The following CERT1 variants were observed in gnomAD, a reference collection of about 807,000 sequenced individuals.
The protein encoded by CERT1 is ceramide transfer protein.
In CERT1, 31 loss-of-function variants were observed where a neutral mutation model predicts 87.9. That is an observed-to-expected ratio of 0.35 (90% CI 0.27 to 0.48). The LOEUF is 0.48. CERT1 is among the 20% of genes least tolerant of loss of function. CERT1 has a pLI of 0.99. For missense variants in CERT1, 487 were observed against 758.0 expected (o/e 0.64, Z 4.20); for synonymous variants, 289 against 250.9 (o/e 1.15, Z -1.44).
At chr5:75,488,286 G>C (rs1275669468) in intron 2 of CERT1, among the ~76,000 whole-genome samples, 2 of 151,912 alleles carry the variant, frequency 1.3e-5, no homozygotes, top group Non-Finnish European at 1.5e-5. Context: ...CTGTATGCCT[G>C]TATCAAAATA....
At chr5:75,459,005 G>A in intron 3 of CERT1, 60 bp downstream of exon 3, 1 of 873,256 alleles carries the variant, frequency 1.1e-6, no homozygotes, top group South Asian at 1.6e-5. Context: ...TTTTTTTTAA[G>A]GTATTGTCAA....
intron 14 of CERT1, among the ~76,000 whole-genome samples, chr5:75,383,089 T>A (rs1761651753): frequency 6.6e-6 from 1 of 152,100 alleles, no homozygotes; most frequent in Non-Finnish European, 1.5e-5. Context: ...AACATTATTA[T>A]GGAATGGGAG....
intron 17 of CERT1, chr5:75,368,917 C>CTT (rs34199671): frequency 1.4e-5 from 2 of 146,414 alleles, no homozygotes; most frequent in Middle Eastern, 3.5e-3. Flanking sequence ...AAGTTGAAAA[C>CTT]TTTTTTTTTT....
chr5:75,371,405 A>T (rs1417493932), intron 17 of CERT1: 1 of 152,216 alleles, frequency 6.6e-6, no homozygotes, highest in African/African-American at 2.4e-5. Flanking sequence ...TCACAAGAGA[A>T]CCAGCTCAGC....
chr5:75,457,483 T>C (rs1765032848), intron 3 of CERT1, among the ~76,000 whole-genome samples: 1 of 152,074 alleles, frequency 6.6e-6, no homozygotes, highest in African/African-American at 2.4e-5. Context: ...TTTTAAATAA[T>C]AGAAAAACAA....
intron 1 of CERT1, among the ~76,000 whole-genome samples, chr5:75,507,042 C>T (rs551891622): frequency 2.6e-5 from 4 of 152,288 alleles, no homozygotes; most frequent in African/African-American, 9.6e-5. Context: ...ACTGCATTGG[C>T]TCAGGCTCTA....
chr5:75,412,713 GA>G (rs1360066117), intron 7 of CERT1, among the ~76,000 whole-genome samples: 3 of 152,152 alleles, frequency 2.0e-5, no homozygotes, highest in Non-Finnish European at 4.4e-5. Flanking sequence ...AAAGGGACAG[GA>G]AAAATATGAT....
chr5:75,466,882 A>G (rs545425178), intron 2 of CERT1, among the ~76,000 whole-genome samples: 2 of 152,268 alleles, frequency 1.3e-5, no homozygotes, highest in African/African-American at 4.8e-5. Context: ...TTCTCCCACA[A>G]CTGTTTGAAC....
At chr5:75,459,217 A>T (rs761554262) in intron 2 of CERT1, 36 bp from the exon 3 acceptor site, 2 of 1,303,824 alleles carry the variant, frequency 1.5e-6, no homozygotes, top group African/African-American at 2.9e-5. Flanking sequence ...AAGCAAAGCT[A>T]ATTATATCCT....
chr5:75,380,044 G>T (rs1245747548), intron 16 of CERT1, among the ~76,000 whole-genome samples: 1 of 152,106 alleles, frequency 6.6e-6, no homozygotes, highest in Non-Finnish European at 1.5e-5. Flanking sequence ...GGTTATTTAG[G>T]GCAGATTATT....
chr5:75,489,968 T>G (rs1766701767), intron 2 of CERT1, among the ~76,000 whole-genome samples: 1 of 152,134 alleles, frequency 6.6e-6, no homozygotes, highest in Non-Finnish European at 1.5e-5. Context: ...AATGTTAGAC[T>G]GGATAAAGAA....
Position 75,511,483 on chromosome 5 carries a change from C to T in CERT1, c.-276G>A, listed in dbSNP as rs1767999142. 6.7e-7 allele frequency: 1 copy of T among 1,502,356 alleles called. No homozygotes were observed. The highest frequency in any genetic ancestry group is 1.4e-5 in the African/African-American group (1 of 71,740). The allele number at this position is 1,502,356 out of a possible 1,614,324, so 93.1% of individuals were successfully genotyped here. ...GCCGTGACCCCTGCGTTGCGCCCGG[C>T]GCTGCCACCCGAACTTAGCCCCCTC... On this transcript the variant is annotated 5_prime_UTR_variant, in exon 1 of 17. Coordinates refer to ENST00000643780, the MANE Select transcript of CERT1 (RefSeq NM_001379029.1).
At chr5:75,477,987 TA>T (rs576865682) in intron 2 of CERT1, among the ~76,000 whole-genome samples, 58 of 151,990 alleles carry the variant, frequency 3.8e-4, no homozygotes, top group African/African-American at 8.9e-4. Flanking sequence ...ACTTAAAAGA[TA>T]AAAAAAGGCA....
chr5:75,379,329 T>C lies in CERT1; in HGVS notation c.*17A>G, dbSNP rs1761459009. ...AGTTAAAAAAAGATAAAACATATCT[T>C]CTAGTACCTGTTAATACTAGAACAA... On this transcript the variant is annotated 3_prime_UTR_variant, in exon 17 of 17. Coordinates refer to ENST00000643780, the MANE Select transcript of CERT1 (RefSeq NM_001379029.1). 6.2e-7 allele frequency: 1 copy of C among 1,601,744 alleles called. No individual in the cohort carries two copies. The highest frequency in any genetic ancestry group is 8.5e-7 in the Non-Finnish European group (1 of 1,171,820).
At chr5:75,390,967 CA>C (rs1158890341) in intron 11 of CERT1, among the ~76,000 whole-genome samples, 2 of 151,248 alleles carry the variant, frequency 1.3e-5, no homozygotes, top group African/African-American at 4.9e-5. Context: ...CCATGCCTAA[CA>C]TTTTTTTTTT....
chr5:75,387,047 T>G (rs1204775673), intron 12 of CERT1, among the ~76,000 whole-genome samples: 1 of 152,102 alleles, frequency 6.6e-6, no homozygotes, highest in Non-Finnish European at 1.5e-5. Flanking sequence ...TTTGGTATTT[T>G]TAGTAGAGAC....
chr5:75,400,433 C>A, intron 9 of CERT1, 136 bp from the exon 10 acceptor site: 1 of 587,292 alleles, frequency 1.7e-6, no homozygotes, highest in Non-Finnish European at 3.0e-6. Flanking sequence ...AATTATGAAA[C>A]TACTCCGCAG....
At position 75,411,114 on chromosome 5, in the gene CERT1, G is replaced by C; in HGVS notation, c.838-11C>G. The C allele has an allele frequency of 6.8e-7, 1 of 1,464,410 alleles. No individual in the cohort carries two copies. The highest frequency in any genetic ancestry group is 9.4e-7 in the Non-Finnish European group (1 of 1,066,842). 90.7% of individuals were successfully genotyped at this position (1,464,410 alleles called of 1,614,324 possible). A position where few individuals can be genotyped will look rare whatever the true frequency, so the allele number is the denominator to read the frequency against. ...TTTCTTCTCAGTTTCCTATTAAAAA[G>C]AAGTGAAAAATCTGTAATTTGAGGC... On this transcript the variant is annotated splice_polypyrimidine_tract_variant and intron_variant, in intron 7 of 16. Transcript: ENST00000643780.
chr5:75,442,780 G>A (rs1195967214), intron 3 of CERT1, among the ~76,000 whole-genome samples: 1 of 152,148 alleles, frequency 6.6e-6, no homozygotes, highest in Non-Finnish European at 1.5e-5. Context: ...AATAGGGGGA[G>A]AGAACGGAAA....
Sources: gnomAD v4.1 joint callset for allele counts (sites outside exome capture counted in the v4.1 genomes callset) on GRCh38, gnomAD v4.1.1 for gene constraint, MANE v1.5 for transcripts, NCBI Gene and HGNC (gene_info 2026-07-23, HGNC 2026-07-21) for gene names.